The following CADM1 variants were observed in gnomAD, a reference collection of about 807,000 sequenced individuals.
The protein encoded by CADM1 is TSLC-1.
In CADM1, 15 loss-of-function variants were observed where a neutral mutation model predicts 53.1. The ratio of observed to expected loss-of-function variants is 0.28; its 90% CI spans 0.19 to 0.44. CADM1 has a LOEUF of 0.44. Among genes scored for constraint, CADM1 ranks in the 20% least tolerant of loss-of-function variants. CADM1 has a pLI of 1.00. For synonymous variants in CADM1, 281 were observed against 243.0 expected (o/e 1.16, Z -1.45); for missense variants, 434 against 611.3 (o/e 0.71, Z 3.06).
intron 7 of CADM1, among the ~76,000 whole-genome samples, chr11:115,213,717 A>T (rs1941060881): frequency 6.6e-6 from 1 of 152,236 alleles, no homozygotes; most frequent in South Asian, 2.1e-4. Context: ...GGTAACATCA[A>T]GAAAAAAATA....
Position 115,288,396 on chromosome 11 carries a change from T to A in CADM1, c.125-47976A>T, listed in dbSNP as rs576382137. On this transcript the variant is annotated intron_variant, in intron 1 of 11. Transcript: ENST00000331581. ...GTTACTTGCAGAATTTTATGAGTGCTTATTTTATGAAATCAACAATCACCT... is the reference window on the plus strand; with the variant it reads ...GTTACTTGCAGAATTTTATGAGTGCATATTTTATGAAATCAACAATCACCT... Among the ~76,000 whole-genome samples, 4 of 152,336 alleles carry A rather than the reference T, an allele frequency of 2.6e-5. No homozygotes were observed. In the South Asian group the frequency reaches 8.3e-4, roughly 32 times the overall value.
At position 115,365,381 on chromosome 11, in the gene CADM1, C is replaced by A. The variant is rs149519762; in HGVS notation, c.125-124961G>T. Among the ~76,000 whole-genome samples the A allele has an allele frequency of 4.6e-4, 70 of 152,126 alleles. No homozygotes were observed. The East Asian group carries it at 0.012, about 27-fold the overall frequency. On this transcript the variant is annotated intron_variant, in intron 1 of 11. Coordinates refer to ENST00000331581, the MANE Select transcript of CADM1 (RefSeq NM_001301043.2). ...AGTTTTGGGGAAATTTAGTAAAAAT[C>A]TAGGAGGATTCTGCATTTAGATTGG...
chr11:115,259,502 C>T lies in CADM1; in HGVS notation c.125-19082G>A, dbSNP rs533625575. ...TATAGATTTAGTAGAGATGGGTTTT[C>T]GCCATGTTGGCCAGGCTGGTCTCAA... On this transcript the variant is annotated intron_variant, in intron 1 of 11. Transcript: ENST00000331581. Among the ~76,000 whole-genome samples, 13 of 151,878 alleles carry T rather than the reference C, an allele frequency of 8.6e-5. No homozygotes were observed. In the South Asian group the frequency reaches 1.3e-3, roughly 15 times the overall value.
At chr11:115,428,307 T>C (rs1209095420) in intron 1 of CADM1, among the ~76,000 whole-genome samples, 1 of 152,164 alleles carries the variant, frequency 6.6e-6, no homozygotes, top group Admixed American at 6.5e-5. Flanking sequence ...ACTACCCTAC[T>C]ACCATGTGGC....
At chr11:115,351,326 G>T (rs927660270) in intron 1 of CADM1, among the ~76,000 whole-genome samples, 3 of 152,068 alleles carry the variant, frequency 2.0e-5, no homozygotes, top group Admixed American at 1.3e-4. Flanking sequence ...TAAATCAGAT[G>T]ATCTACTATC....
intron 1 of CADM1, among the ~76,000 whole-genome samples, chr11:115,367,282 T>C (rs139962087): frequency 1.6e-3 from 247 of 152,344 alleles, no homozygotes; most frequent in African/African-American, 5.5e-3. Context: ...TATGATATCC[T>C]GAACGTTGTT....
intron 1 of CADM1, among the ~76,000 whole-genome samples, chr11:115,319,138 T>C (rs1318385605): frequency 6.6e-6 from 1 of 152,216 alleles, no homozygotes; most frequent in Admixed American, 6.5e-5. Context: ...TTCTTCTTTC[T>C]GTCCTTGGTA....
At chr11:115,178,849 C>A (rs1215147968) in intron 10 of CADM1, 74 bp from the exon 11 acceptor site, 6 of 1,539,478 alleles carry the variant, frequency 3.9e-6, no homozygotes, top group Non-Finnish European at 5.4e-6. Flanking sequence ...ACACTGTCTC[C>A]AGGGTCAGAG....
chr11:115,234,115 A>T (rs542470158), intron 3 of CADM1, among the ~76,000 whole-genome samples: 1 of 152,164 alleles, frequency 6.6e-6, no homozygotes, highest in African/African-American at 2.4e-5. Flanking sequence ...GTGTTCCTGG[A>T]TACCTTTCCT....
At chr11:115,309,628 T>C (rs1281714220) in intron 1 of CADM1, among the ~76,000 whole-genome samples, 1 of 152,050 alleles carries the variant, frequency 6.6e-6, no homozygotes, top group East Asian at 1.9e-4. Flanking sequence ...GCCGAGCTTT[T>C]CTTGAAGCTA....
intron 1 of CADM1, among the ~76,000 whole-genome samples, chr11:115,329,950 C>T (rs750119675): frequency 1.3e-5 from 2 of 151,282 alleles, no homozygotes; most frequent in African/African-American, 2.4e-5. Context: ...TTCTCTACCA[C>T]GTCACTGCTG....
At chr11:115,352,735 A>C (rs556284425) in intron 1 of CADM1, among the ~76,000 whole-genome samples, 1 of 152,296 alleles carries the variant, frequency 6.6e-6, no homozygotes, top group African/African-American at 2.4e-5. Flanking sequence ...TTTTACACTA[A>C]TTGGCTTAAT....
At chr11:115,190,593 G>T (rs1281438732) in intron 10 of CADM1, 2 of 350,578 alleles carry the variant, frequency 5.7e-6, no homozygotes, top group Non-Finnish European at 1.0e-5. Flanking sequence ...ATATATCTAG[G>T]ACATAAACAT....
rs750873925 is a variant in CADM1, at chr11:115,390,670, T to TAAA, written c.124+113598_124+113600dup. Among the ~76,000 whole-genome samples, 286 of 111,082 alleles carry TAAA rather than the reference T, an allele frequency of 2.6e-3. 1 individual carries two copies. Among genetic ancestry groups the TAAA allele is most frequent in the African/African-American group, 7.9e-3 (233 of 29,410 alleles). The allele number at this position is 111,082 out of a possible 152,430, so 72.9% of individuals were successfully genotyped here. ...CACCAGCAAAAGGTTAGGCTACTCTTAAAAAAAAAAAAAAAAAGGTTGGGG... is the reference window on the plus strand; with the variant it reads ...CACCAGCAAAAGGTTAGGCTACTCTTAAAAAAAAAAAAAAAAAAAAGGTTGGGG... On this transcript the variant is annotated intron_variant, in intron 1 of 11. Coordinates refer to ENST00000331581, the MANE Select transcript of CADM1 (RefSeq NM_001301043.2).
Position 115,431,567 on chromosome 11 carries a change from G to T in CADM1, c.124+72704C>A, listed in dbSNP as rs185915096. Among the ~76,000 whole-genome samples, 151 of 152,164 alleles carry T rather than the reference G, an allele frequency of 9.9e-4. 1 individual carries two copies. The highest frequency in any genetic ancestry group is 1.7e-3 in the Non-Finnish European group (116 of 68,010). On this transcript the variant is annotated intron_variant, in intron 1 of 11. Coordinates refer to ENST00000331581, the MANE Select transcript of CADM1 (RefSeq NM_001301043.2). ...AGGCTTCTTATAACTCTTAGAACAAGGCCCCCAGTCCTTCACACAACCTGA... is the reference window on the plus strand; with the variant it reads ...AGGCTTCTTATAACTCTTAGAACAATGCCCCCAGTCCTTCACACAACCTGA...
At chr11:115,176,865 C>T (rs961321070) in intron 11 of CADM1, among the ~76,000 whole-genome samples, 1 of 152,110 alleles carries the variant, frequency 6.6e-6, no homozygotes. Flanking sequence ...CAGAAGAAGA[C>T]GTGAGTGGGA....
At chr11:115,449,823 T>G (rs1350082404) in intron 1 of CADM1, among the ~76,000 whole-genome samples, 5 of 152,198 alleles carry the variant, frequency 3.3e-5, no homozygotes, top group Non-Finnish European at 7.3e-5. Context: ...AACAGTCTCA[T>G]TATATATTAT....
At chr11:115,321,949 T>C (rs1034875403) in intron 1 of CADM1, among the ~76,000 whole-genome samples, 2 of 152,168 alleles carry the variant, frequency 1.3e-5, no homozygotes, top group African/African-American at 4.8e-5. Context: ...AACAGAGCAC[T>C]GGCATCATGC....
At chr11:115,424,069 G>A (rs186345432) in intron 1 of CADM1, among the ~76,000 whole-genome samples, 57 of 152,308 alleles carry the variant, frequency 3.7e-4, no homozygotes, top group African/African-American at 1.3e-3. Context: ...CTGTCCAGTT[G>A]CAGCAATTAA....
Sources: gnomAD v4.1 joint callset for allele counts (sites outside exome capture counted in the v4.1 genomes callset) on GRCh38, gnomAD v4.1.1 for gene constraint, MANE v1.5 for transcripts, NCBI Gene and HGNC (gene_info 2026-07-23, HGNC 2026-07-21) for gene names.